SLCO3A1: variants seen among roughly 807,000 people sequenced by gnomAD.
SLCO3A1 encodes PGE1 transporter.
Under a neutral mutation model 63.1 loss-of-function variants are expected in SLCO3A1, and 27 were observed. The ratio of observed to expected loss-of-function variants is 0.43; its 90% confidence interval spans 0.32 to 0.59. SLCO3A1 has a LOEUF of 0.59. SLCO3A1 is among the 20% of genes least tolerant of loss of function. SLCO3A1 has a pLI of 0.09. For synonymous variants in SLCO3A1, 473 were observed against 409.9 expected (o/e 1.15, Z -1.86); for missense variants, 773 against 945.8 (o/e 0.82, Z 2.40).
At chr15:91,907,935 A>T (rs1898362888) in intron 1 of SLCO3A1, among the ~76,000 whole-genome samples, 1 of 152,124 alleles carries the variant, frequency 6.6e-6, no homozygotes, top group Admixed American at 6.5e-5. Flanking sequence ...AGGGCAGTAC[A>T]GAGGCCCAGA....
At chr15:91,994,786 G>A (rs2046170467) in intron 2 of SLCO3A1, among the ~76,000 whole-genome samples, 1 of 152,246 alleles carries the variant, frequency 6.6e-6, no homozygotes, top group Admixed American at 6.5e-5. Flanking sequence ...GTACACCTGA[G>A]TTCCCTTCCC....
intron 7 of SLCO3A1, among the ~76,000 whole-genome samples, chr15:92,144,179 A>G (rs1381064477): frequency 6.6e-6 from 1 of 152,234 alleles, no homozygotes; most frequent in Non-Finnish European, 1.5e-5. Context: ...CACAGTTCCC[A>G]GTTGGGACAG....
At chr15:91,926,137 A>G (rs2151386495) in intron 2 of SLCO3A1, among the ~76,000 whole-genome samples, 1 of 152,356 alleles carries the variant, frequency 6.6e-6, no homozygotes, top group South Asian at 2.1e-4. Context: ...GACCCTATGC[A>G]TAAAATGAAA....
intron 2 of SLCO3A1, among the ~76,000 whole-genome samples, chr15:92,058,246 C>A (rs2047045024): frequency 6.6e-6 from 1 of 152,130 alleles, no homozygotes; most frequent in African/African-American, 2.4e-5. Context: ...GATCCAGAAA[C>A]TGAGGTCAAG....
At chr15:92,154,150 C>T (rs566300554) in intron 9 of SLCO3A1, among the ~76,000 whole-genome samples, 30 of 152,220 alleles carry the variant, frequency 2.0e-4, no homozygotes, top group Middle Eastern at 6.8e-3. Flanking sequence ...AGATGGTGCT[C>T]GCAGGATGGG....
chr15:92,153,186 C>T (rs1349678931), intron 9 of SLCO3A1, among the ~76,000 whole-genome samples: 1 of 151,306 alleles, frequency 6.6e-6, no homozygotes, highest in African/African-American at 2.4e-5. Flanking sequence ...CAAGAGATGA[C>T]AAGTTTTGCA....
At chr15:92,158,794 G>A (rs761306767) in intron 9 of SLCO3A1, among the ~76,000 whole-genome samples, 2 of 152,194 alleles carry the variant, frequency 1.3e-5, no homozygotes, top group South Asian at 2.1e-4. Context: ...GGTATTGTCC[G>A]CACACCTGCA....
chr15:92,027,301 T>C lies in SLCO3A1; in HGVS notation c.647-67580T>C, dbSNP rs559237197. Among the ~76,000 whole-genome samples, 17 of 152,380 alleles carry C rather than the reference T, an allele frequency of 1.1e-4. No homozygotes were observed. In the South Asian group the frequency reaches 3.3e-3, roughly 30 times the overall value. On this transcript the variant is annotated intron_variant, in intron 2 of 9. Coordinates refer to ENST00000318445, the MANE Select transcript of SLCO3A1 (RefSeq NM_013272.4). ...TCTTTTAATATCCTTGTGAACTTTCTAAACAACACCACATTGCTTTATTTG... is the reference window on the plus strand; with the variant it reads ...TCTTTTAATATCCTTGTGAACTTTCCAAACAACACCACATTGCTTTATTTG...
chr15:91,915,876 G>A, intron 1 of SLCO3A1, 117 bp from the exon 2 acceptor site: 3 of 812,632 alleles, frequency 3.7e-6, no homozygotes, highest in Non-Finnish European at 6.1e-6. Flanking sequence ...ACCTGGCACC[G>A]GAGGCCAGGT....
rs147261854 is a variant in SLCO3A1, at chr15:91,934,986, G to A, written c.646+18528G>A. On this transcript the variant is annotated intron_variant, in intron 2 of 9. Coordinates refer to ENST00000318445, the MANE Select transcript of SLCO3A1 (RefSeq NM_013272.4). ...TTTTTTGTTTTTGAGACAGAGTCTC[G>A]CTTTGTCGCCAGGCTGGAGTGCAGT... 9.1e-4 allele frequency among the ~76,000 whole-genome samples: 138 copies of A among 152,168 alleles called. 2 individuals carry two copies. The East Asian group carries it at 0.023, about 25-fold the overall frequency.
chr15:91,883,278 G>A lies in SLCO3A1; in HGVS notation c.180+29190G>A, dbSNP rs1397227842. On this transcript the variant is annotated intron_variant, in intron 1 of 9. Transcript: ENST00000318445. The surrounding 1 kb of genome is among the most constrained non-coding windows in gnomAD (Gnocchi z 4.8). ...TGTGAAGTCAGCTTGTTTGGAGAGT[G>A]AAGAGAGAAACTTGGCACCGGGACC... Among the ~76,000 whole-genome samples, 1 of 152,208 alleles carries A rather than the reference G, an allele frequency of 6.6e-6. No individual in the cohort carries two copies. Among genetic ancestry groups the A allele is most frequent in the African/African-American group, 2.4e-5 (1 of 41,466 alleles).
At chr15:92,095,801 C>T (rs1295276980) in intron 3 of SLCO3A1, among the ~76,000 whole-genome samples, 1 of 152,196 alleles carries the variant, frequency 6.6e-6, no homozygotes, top group African/African-American at 2.4e-5. Context: ...CTCAGCCCCC[C>T]AGGCCCAGGC....
chr15:91,853,738 A>C lies in SLCO3A1; in HGVS notation c.-171A>C. 3.9e-6 allele frequency: 2 copies of C among 514,760 alleles called. No individual in the cohort carries two copies. The highest frequency in any genetic ancestry group is 5.1e-6 in the Non-Finnish European group (2 of 392,906). 31.9% of individuals were successfully genotyped at this position (514,760 alleles called of 1,614,324 possible). On this transcript the variant is annotated 5_prime_UTR_variant, in exon 1 of 10. Coordinates refer to ENST00000318445, the MANE Select transcript of SLCO3A1 (RefSeq NM_013272.4). ...CGCGGCGGCGGCGGCGGCGGCGAGG[A>C]GCTGTGCCTTCCACCTCTCCAGCCC...
At chr15:92,071,762 C>A (rs2047218673) in intron 2 of SLCO3A1, among the ~76,000 whole-genome samples, 1 of 152,176 alleles carries the variant, frequency 6.6e-6, no homozygotes, top group East Asian at 1.9e-4. Context: ...TCTCTGCATC[C>A]CCACCTTGAA....
At chr15:92,024,057 A>G (rs2046541536) in intron 2 of SLCO3A1, among the ~76,000 whole-genome samples, 1 of 152,138 alleles carries the variant, frequency 6.6e-6, no homozygotes, top group Non-Finnish European at 1.5e-5. Flanking sequence ...AACACCCACC[A>G]TGCCTGGGTG....
Position 91,967,811 on chromosome 15 carries a change from A to G in SLCO3A1, c.646+51353A>G, listed in dbSNP as rs1452446064. Among the ~76,000 whole-genome samples, 2 of 152,170 alleles carry G rather than the reference A, an allele frequency of 1.3e-5. No homozygotes were observed. Among genetic ancestry groups the G allele is most frequent in the African/African-American group, 2.4e-5 (1 of 41,432 alleles). Reference sequence around the variant, plus strand: ...GACGTAGTGGCAGGACTAAAGGTCAAGGTCACTTCAGTGTTCTCCCAAATC... The same window carrying G: ...GACGTAGTGGCAGGACTAAAGGTCAGGGTCACTTCAGTGTTCTCCCAAATC... On this transcript the variant is annotated intron_variant, in intron 2 of 9. Transcript: ENST00000318445. This position sits in a 1 kb window ranked among gnomAD's most constrained non-coding sequence, Gnocchi z 4.4.
At chr15:91,926,596 T>TGTGTGTGCGCGCGCGCGC in intron 2 of SLCO3A1, among the ~76,000 whole-genome samples, 7 of 105,256 alleles carry the variant, frequency 6.7e-5, no homozygotes, top group African/African-American at 1.8e-4. Context: ...TGTGTGTGTG[T>TGTGTGTGCGCGCGCGCGC]GCGCGCGCGC....
At chr15:92,152,341 T>C (rs1438843338) in intron 9 of SLCO3A1, among the ~76,000 whole-genome samples, 1 of 152,248 alleles carries the variant, frequency 6.6e-6, no homozygotes, top group Non-Finnish European at 1.5e-5. Context: ...CAATCTGTGA[T>C]CATTCCCTCT....
chr15:92,023,472 T>C (rs1305925628), intron 2 of SLCO3A1, among the ~76,000 whole-genome samples: 1 of 151,996 alleles, frequency 6.6e-6, no homozygotes, highest in East Asian at 1.9e-4. Context: ...GAATTTTTTT[T>C]CTTTTTTTTT....
Sources: gnomAD v4.1 joint callset for allele counts (sites outside exome capture counted in the v4.1 genomes callset) on GRCh38, gnomAD v4.1.1 for gene constraint, Gnocchi (gnomAD v3.1) non-coding constraint, MANE v1.5 for transcripts, NCBI Gene and HGNC (gene_info 2026-07-23, HGNC 2026-07-21) for gene names.